Variants in FSIP2 observed in about 807,000 individuals in gnomAD.
The protein encoded by FSIP2 is fibrous sheath interacting protein 2.
Under a neutral mutation model 510.5 loss-of-function variants are expected in FSIP2, and 367 were observed. The ratio of observed to expected loss-of-function variants is 0.72; its 90% CI spans 0.66 to 0.78. The LOEUF (loss-of-function observed/expected upper bound fraction) is 0.78. Ranked by LOEUF, FSIP2 falls within the 30% of genes least tolerant of loss-of-function variation. The probability of loss-of-function intolerance (pLI) is 0.00; values close to 1 mark genes in which losing one functional copy is unlikely to be tolerated. For missense variants in FSIP2, 7,594 were observed against 7,901.7 expected, an observed-to-expected ratio of 0.96 and a Z score of 1.48; for synonymous variants, 2,601 against 2,732.2, an observed-to-expected ratio of 0.95 and a Z score of 1.50.
chr2:185,767,590 C>A (rs548743436), intron 13 of FSIP2, among the ~76,000 whole-genome samples: 1 of 152,058 alleles, frequency 6.6e-6, no homozygotes, highest in Admixed American at 6.6e-5. Flanking sequence ...TCTCCAAGTT[C>A]TTTGATGTTG....
In FSIP2 at chr2:185,792,460, C is replaced by G; in HGVS notation, c.5324C>G (p.Ser1775Cys). 6.5e-7 allele frequency: 1 copy of G among 1,530,560 alleles called. No homozygotes were observed. The highest frequency in any genetic ancestry group is 1.7e-4 in the Middle Eastern group (1 of 5,964). The allele number at this position is 1,530,560 out of a possible 1,614,324, so 94.8% of individuals were successfully genotyped here. A position where few individuals can be genotyped will look rare whatever the true frequency, so the allele number is the denominator to read the frequency against. ...GTAAAACTCAAAGAACCACATATAT[C>G]TCCAATTGCTCCCATTATAAGAAAT... ...IEVKLKEPHI[S>C]PIAPIIRNIL... The change falls in exon 16 of 23, where the codon TCT becomes TGT. Residue 1775 changes from serine to cysteine, a missense_variant. By Grantham distance (112) the Ser-to-Cys change is moderately radical. Transcript: ENST00000424728.
In FSIP2 at chr2:185,791,920, G is replaced by T. The variant is rs1038834886; in HGVS notation, c.4784G>T (p.Gly1595Val). The change falls in exon 16 of 23, where the codon GGG (glycine) becomes GTG (valine). Residue 1595 changes from glycine (G) to valine (V), a missense_variant. By Grantham distance (109) the Gly-to-Val change is moderately radical. Coordinates refer to ENST00000424728, the MANE Select transcript of FSIP2 (RefSeq NM_173651.4). The part of the protein sequence containing the change: ...ILNMVFAKLE[G>V]FANGHLEILG... ...AATATGGTTTTTGCTAAACTGGAAG[G>T]GTTTGCCAACGGACATTTAGAAATT... 6.5e-7 allele frequency: 1 copy of T among 1,533,878 alleles called. No individual in the cohort carries two copies. Among genetic ancestry groups the T allele is most frequent in the Non-Finnish European group, 8.7e-7 (1 of 1,145,410 alleles).
intron 9 of FSIP2, among the ~76,000 whole-genome samples, chr2:185,759,524 ATAAT>A (rs976392735): frequency 1.4e-4 from 20 of 144,326 alleles, no homozygotes; most frequent in African/African-American, 4.7e-4. Context: ...AATATATAAG[ATAAT>A]TAACTTTTTT....
At chr2:185,830,252 G>A (rs983577440) in intron 21 of FSIP2, among the ~76,000 whole-genome samples, 1 of 151,784 alleles carries the variant, frequency 6.6e-6, no homozygotes. Context: ...AAAGAACAAA[G>A]ACAATATCTA....
rs750401890 is a variant in FSIP2 at position 185,801,986 on chromosome 2, CTCT to C, written c.12682_12684del (p.Leu4228del). On this transcript the variant is annotated inframe_deletion, in exon 17 of 23. Coordinates refer to ENST00000424728, the MANE Select transcript of FSIP2 (RefSeq NM_173651.4). ...TGTAATATTTTGCAAATGTCTGACT[CTCT>C]TGTTTCAATACAAAAAAGTATAGTA... 5.9e-5 allele frequency: 90 copies of C among 1,523,338 alleles called. No homozygotes were observed. The highest frequency in any genetic ancestry group is 7.2e-5 in the Non-Finnish European group (82 of 1,141,478). 94.4% of individuals were successfully genotyped at this position (1,523,338 alleles called of 1,614,324 possible).
rs528404919 is a variant in FSIP2, at chr2:185,759,630, T to C, written c.1079-1358T>C. Among the ~76,000 whole-genome samples, 3 of 146,054 alleles carry C rather than the reference T, an allele frequency of 2.1e-5. No homozygotes were observed. In the Admixed American group the frequency reaches 2.1e-4, roughly 10 times the overall value. On this transcript the variant is annotated intron_variant, in intron 9 of 22. Coordinates refer to ENST00000424728, the MANE Select transcript of FSIP2 (RefSeq NM_173651.4). Reference sequence around the variant, plus strand: ...ATTAATATAATGGTCAGTATAATATTAATAATATTGTTATATATTATATAT... The same window carrying C: ...ATTAATATAATGGTCAGTATAATATCAATAATATTGTTATATATTATATAT...
In FSIP2 at chr2:185,793,623, GTTC is replaced by G. The variant is rs769941642; in HGVS notation, c.6491_6493del (p.Leu2164del). The G allele has an allele frequency of 1.7e-5, 26 of 1,534,134 alleles. No homozygotes were observed. The highest frequency in any genetic ancestry group is 1.9e-5 in the Non-Finnish European group (22 of 1,145,416). ...GATATCCAATGATATAGTGAATATT[GTTC>G]TTCATAATCTCAGTTCTGCTGCCAC... On this transcript the variant is annotated inframe_deletion, in exon 16 of 23. Transcript: ENST00000424728.
chr2:185,774,581 ATT>A (rs3057716), intron 13 of FSIP2, among the ~76,000 whole-genome samples: 80,945 of 149,470 alleles, frequency 0.54, 21,993 homozygotes, highest in South Asian at 0.65. Context: ...ATCAAGCAGG[ATT>A]TTTTTTTTTT....
chr2:185,805,630 C>A lies in FSIP2; in HGVS notation c.16324C>A (p.Pro5442Thr), dbSNP rs764838430. ...TGCAAAAGAGAACCAACTTTCTTTA[C>A]CAGATCAATCATATAAAGATACTTC... ...RCAKENQLSLPDQSYKDTSST... is the reference protein window; with the variant it reads ...RCAKENQLSLTDQSYKDTSST... The change falls in exon 17 of 23, where the codon CCA (proline) becomes ACA (threonine). Residue 5442 changes from proline to threonine, a missense_variant. Coordinates refer to ENST00000424728, the MANE Select transcript of FSIP2 (RefSeq NM_173651.4). 6.2e-6 allele frequency: 10 copies of A among 1,609,004 alleles called. No individual in the cohort carries two copies. The highest frequency in any genetic ancestry group is 3.4e-5 in the Admixed American group (2 of 59,118).
intron 21 of FSIP2, among the ~76,000 whole-genome samples, chr2:185,830,234 C>T (rs1207523277): frequency 6.6e-6 from 1 of 151,730 alleles, no homozygotes; most frequent in Non-Finnish European, 1.5e-5. Context: ...CAAAATGACT[C>T]AACATACAAA....
Position 185,788,869 on chromosome 2 carries a change from C to T in FSIP2, c.1733C>T (p.Thr578Ile), listed in dbSNP as rs1367295679. ...YRSYTSATTK[T>I]FQAEPCAFVV... ...AGCTACACATCTGCAACAACTAAAA[C>T]ATTTCAGGCAGAACCCTGTGCATTT... The change falls in exon 16 of 23, where the codon ACA becomes ATA. Residue 578 changes from threonine to isoleucine, a missense_variant. Transcript: ENST00000424728. 6.5e-7 allele frequency: 1 copy of T among 1,534,784 alleles called. No individual in the cohort carries two copies. Among genetic ancestry groups the T allele is most frequent in the Non-Finnish European group, 8.7e-7 (1 of 1,145,996 alleles).
At position 185,789,224 on chromosome 2, in the gene FSIP2, T is replaced by A. The variant is rs1194265105; in HGVS notation, c.2088T>A (p.Phe696Leu). The change falls in exon 16 of 23, where the codon TTT (phenylalanine) becomes TTA (leucine). Residue 696 changes from phenylalanine (F) to leucine (L), a missense_variant. Phe to Leu is a conservative substitution (Grantham distance 22). Transcript: ENST00000424728. ...MKNLKNVFVN[F>L]KCYLKGETEV... Reference sequence around the variant, plus strand: ...ATTTAAAAAATGTTTTTGTTAACTTTAAATGTTACTTGAAAGGGGAAACTG... The same window carrying A: ...ATTTAAAAAATGTTTTTGTTAACTTAAAATGTTACTTGAAAGGGGAAACTG... 6.5e-7 allele frequency: 1 copy of A among 1,534,542 alleles called. No individual in the cohort carries two copies. Among genetic ancestry groups the A allele is most frequent in the East Asian group, 2.4e-5 (1 of 40,866 alleles).
intron 19 of FSIP2, among the ~76,000 whole-genome samples, chr2:185,822,580 GAC>G (rs1490681000): frequency 6.6e-6 from 1 of 151,806 alleles, no homozygotes; most frequent in Non-Finnish European, 1.5e-5. Context: ...AAAGTAGAAA[GAC>G]ACCTCATGTT....
chr2:185,825,289 C>A (rs958841961), intron 20 of FSIP2, among the ~76,000 whole-genome samples: 6 of 151,684 alleles, frequency 4.0e-5, no homozygotes, highest in Non-Finnish European at 7.4e-5. Flanking sequence ...TTGTTAGATG[C>A]CAACAGAAAC....
At chr2:185,812,682 T>C (rs562609360) in intron 17 of FSIP2, among the ~76,000 whole-genome samples, 1 of 152,194 alleles carries the variant, frequency 6.6e-6, no homozygotes, top group African/African-American at 2.4e-5. Context: ...TCCCAAAATA[T>C]AAAATGATTT....
rs1693611783 is a variant in FSIP2 at position 185,807,446 on chromosome 2, T to G, written c.18140T>G (p.Leu6047Arg). Residue 6047 changes from leucine (L) to arginine (R), a missense_variant, in exon 17 of 23, where the codon CTT (leucine) becomes CGT (arginine). Coordinates refer to ENST00000424728, the MANE Select transcript of FSIP2 (RefSeq NM_173651.4). ...AATTTGTCCACAGAACTGAATTTCCTTCAAATGAAGTTAGTAAGTGCAGTT... is the reference window on the plus strand; with the variant it reads ...AATTTGTCCACAGAACTGAATTTCCGTCAAATGAAGTTAGTAAGTGCAGTT... Reference protein sequence around the residue: ...EDNLSTELNFLQMKLVSAVAT... With the variant: ...EDNLSTELNFRQMKLVSAVAT... 1 of 1,612,458 alleles carries G rather than the reference T, an allele frequency of 6.2e-7. No homozygotes were observed. The highest frequency in any genetic ancestry group is 8.5e-7 in the Non-Finnish European group (1 of 1,179,326).
At position 185,796,185 on chromosome 2, in the gene FSIP2, T is replaced by C; in HGVS notation, c.9049T>C (p.Ser3017Pro). Residue 3017 changes from serine (S) to proline (P), a missense_variant, in exon 16 of 23, where the codon TCT (serine) becomes CCT (proline). Coordinates refer to ENST00000424728, the MANE Select transcript of FSIP2 (RefSeq NM_173651.4). ...TAAACATATCTCCAAATATGAGTTT[T>C]CTGAAATTGTGAAAATGCCTATAGA... ...QFKHISKYEFSEIVKMPIENL... is the reference protein window; with the variant it reads ...QFKHISKYEFPEIVKMPIENL... 6.5e-7 allele frequency: 1 copy of C among 1,532,748 alleles called. No individual in the cohort carries two copies. The highest frequency in any genetic ancestry group is 8.7e-7 in the Non-Finnish European group (1 of 1,145,390). The allele number at this position is 1,532,748 out of a possible 1,614,324, so 94.9% of individuals were successfully genotyped here. A position where few individuals can be genotyped will look rare whatever the true frequency, so the allele number is the denominator to read the frequency against.
intron 10 of FSIP2, 49 bp from the exon 11 acceptor site, chr2:185,761,923 A>G: frequency 1.0e-6 from 1 of 983,444 alleles, no homozygotes; most frequent in Non-Finnish European, 1.5e-6. Context: ...TCTTTTTTGG[A>G]AGTACAGTTA....
chr2:185,800,338 T>A lies in FSIP2; in HGVS notation c.11032T>A (p.Cys3678Ser). Reference protein sequence around the residue: ...FQKNKLSYLACKLNSLVGNLK... With the variant: ...FQKNKLSYLASKLNSLVGNLK... The stretch of plus-strand genomic sequence containing the variant: ...AAAAAATAAGTTAAGTTATCTTGCA[T>A]GTAAGTTAAACAGCCTGGTTGGTAA... The change falls in exon 17 of 23, where the codon TGT becomes AGT. Residue 3678 changes from cysteine (C) to serine (S), a missense_variant. Cys to Ser is a moderately radical substitution (Grantham distance 112). Transcript: ENST00000424728. 1 of 1,532,868 alleles carries A rather than the reference T, an allele frequency of 6.5e-7. No individual in the cohort carries two copies. Among genetic ancestry groups the A allele is most frequent in the Non-Finnish European group, 8.7e-7 (1 of 1,145,222 alleles). 95.0% of individuals were successfully genotyped at this position (1,532,868 alleles called of 1,614,324 possible). A position where few individuals can be genotyped will look rare whatever the true frequency, so the allele number is the denominator to read the frequency against.
Sources: allele counts gnomAD v4.1 joint callset (sites outside exome capture counted in the v4.1 genomes callset), GRCh38; gene constraint gnomAD v4.1.1; transcripts MANE v1.5; gene names NCBI Gene and HGNC (gene_info 2026-07-23, HGNC 2026-07-21).